ANKRD33B: variants seen among roughly 807,000 people sequenced by gnomAD.
The protein encoded by ANKRD33B is ankyrin repeat domain-containing protein 33B.
ANKRD33B carries 6 observed loss-of-function variants against 21.5 expected under a neutral mutation model. The observed-to-expected ratio is 0.28, with a 90% CI of 0.15 to 0.55. The LOEUF (loss-of-function observed/expected upper bound fraction) is 0.55. Ranked by LOEUF, ANKRD33B falls within the 20% of genes least tolerant of loss-of-function variation. The pLI, the probability that ANKRD33B is intolerant of heterozygous loss-of-function variation, is 0.94. For missense variants in ANKRD33B, 698 were observed against 747.2 expected, an observed-to-expected ratio of 0.93 and a Z score of 0.77; for synonymous variants, 347 against 342.4, an observed-to-expected ratio of 1.01 and a Z score of -0.15.
intron 1 of ANKRD33B, among the ~76,000 whole-genome samples, chr5:10,569,726 G>C (rs937788199): frequency 2.6e-5 from 4 of 152,198 alleles, no homozygotes; most frequent in African/African-American, 4.8e-5. Context: ...CCGGGAGTCC[G>C]AGGGGCTGGA....
Position 10,649,612 on chromosome 5 carries a change from C to T in ANKRD33B, c.984C>T (p.Cys328=), listed in dbSNP as rs1236615669. 5.9e-6 allele frequency: 9 copies of T among 1,530,994 alleles called. No individual in the cohort carries two copies. The highest frequency in any genetic ancestry group is 7.0e-6 in the Non-Finnish European group (8 of 1,144,670). The allele number at this position is 1,530,994 out of a possible 1,614,324, so 94.8% of individuals were successfully genotyped here. A position where few individuals can be genotyped will look rare whatever the true frequency, so the allele number is the denominator to read the frequency against. Residue 328 remains cysteine (C), a synonymous_variant, in exon 4 of 4, where the codon TGC becomes TGT. Coordinates refer to ENST00000296657, the MANE Select transcript of ANKRD33B (RefSeq NM_001164440.2). The part of the protein sequence containing the change: ...PAVAIVCQTV[C]PESPPSVGKR... ...TGGCCATCGTGTGCCAGACCGTGTG[C>T]CCTGAGAGCCCTCCGAGCGTGGGGA...
At chr5:10,610,355 T>C (rs1736142081) in intron 1 of ANKRD33B, among the ~76,000 whole-genome samples, 1 of 152,072 alleles carries the variant, frequency 6.6e-6, no homozygotes, top group Non-Finnish European at 1.5e-5. Context: ...GAGATGCTCC[T>C]GACGTCTAAT....
chr5:10,650,878 C>T lies in ANKRD33B; in HGVS notation c.*765C>T, dbSNP rs1003831206. 6.6e-6 allele frequency: 1 copy of T among 152,210 alleles called. No homozygotes were observed. The highest frequency in any genetic ancestry group is 1.5e-5 in the Non-Finnish European group (1 of 68,010). 9.4% of individuals were successfully genotyped at this position (152,210 alleles called of 1,614,324 possible). On this transcript the variant is annotated 3_prime_UTR_variant, in exon 4 of 4. Transcript: ENST00000296657. Reference sequence around the variant, plus strand: ...TTGCTAGAATTAAACTCATTTTAAGCAAGGGGTTTTAGGTAAACTGGATAC... The same window carrying T: ...TTGCTAGAATTAAACTCATTTTAAGTAAGGGGTTTTAGGTAAACTGGATAC...
rs78931230 is a variant in ANKRD33B at position 10,638,036 on chromosome 5, A to G, written c.505A>G (p.Ile169Val). ...TACACTTCTCTTTACAGGGCACGCT[A>G]TCATCACTAACTACTTGTTGAACTA... ...LITAAQAGHAIITNYLLNYFP... is the reference protein window; with the variant it reads ...LITAAQAGHAVITNYLLNYFP... Residue 169 changes from isoleucine (I) to valine (V), a missense_variant, in exon 3 of 4, where the codon ATC becomes GTC. This residue lies in a region of ANKRD33B where 543 missense variants were observed against 566.5 expected (regional missense o/e 0.96). Coordinates refer to ENST00000296657, the MANE Select transcript of ANKRD33B (RefSeq NM_001164440.2). The G allele has an allele frequency of 2.3e-3, 3,598 of 1,537,620 alleles. 71 individuals carry two copies. The African/African-American group carries it at 0.043, about 18-fold the overall frequency.
chr5:10,649,221 C>A, intron 3 of ANKRD33B, 45 bp from the exon 4 acceptor site: 1 of 1,484,338 alleles, frequency 6.7e-7, no homozygotes, highest in Non-Finnish European at 9.0e-7. Context: ...AGGGAAGAGT[C>A]CTTGTTGCCG....
At chr5:10,632,479 T>A (rs7707533) in intron 2 of ANKRD33B, among the ~76,000 whole-genome samples, 1 of 151,926 alleles carries the variant, frequency 6.6e-6, no homozygotes, top group Non-Finnish European at 1.5e-5. Flanking sequence ...ACCAGGGGTG[T>A]GGCGGGGCCA....
intron 1 of ANKRD33B, among the ~76,000 whole-genome samples, chr5:10,579,585 A>G (rs189934106): frequency 1.6e-4 from 24 of 152,296 alleles, no homozygotes; most frequent in African/African-American, 5.5e-4. Flanking sequence ...AAAATTAATC[A>G]GTGCACATAT....
At chr5:10,638,954 GCGGAGT>G in intron 3 of ANKRD33B, among the ~76,000 whole-genome samples, 3 of 111,164 alleles carry the variant, frequency 2.7e-5, no homozygotes, top group Non-Finnish European at 6.2e-5. Context: ...AGCGGGTGAC[GCGGAGT>G]TGCACGGCGA....
At chr5:10,600,754 T>G (rs1735910720) in intron 1 of ANKRD33B, among the ~76,000 whole-genome samples, 1 of 152,136 alleles carries the variant, frequency 6.6e-6, no homozygotes, top group Non-Finnish European at 1.5e-5. Flanking sequence ...CCAGTGTGGT[T>G]CTTCCATTTT....
At chr5:10,598,506 A>G (rs1723194312) in intron 1 of ANKRD33B, among the ~76,000 whole-genome samples, 1 of 152,212 alleles carries the variant, frequency 6.6e-6, no homozygotes, top group Non-Finnish European at 1.5e-5. Flanking sequence ...ACCTCAGATC[A>G]TCCATCCGCC....
At position 10,613,418 on chromosome 5, in the gene ANKRD33B, A is replaced by G. The variant is rs571488026; in HGVS notation, c.367-4915A>G. 4.6e-5 allele frequency among the ~76,000 whole-genome samples: 7 copies of G among 151,466 alleles called. 1 individual carries two copies. The highest frequency in any genetic ancestry group is 1.2e-4 in the African/African-American group (5 of 41,260). Reference sequence around the variant, plus strand: ...TCCTACCTCAGCCTCCTGAGTAGCTAGGACTACAGGCTCCTGCCACCACGC... The same window carrying G: ...TCCTACCTCAGCCTCCTGAGTAGCTGGGACTACAGGCTCCTGCCACCACGC... On this transcript the variant is annotated intron_variant, in intron 1 of 3. Coordinates refer to ENST00000296657, the MANE Select transcript of ANKRD33B (RefSeq NM_001164440.2).
intron 1 of ANKRD33B, among the ~76,000 whole-genome samples, chr5:10,594,039 G>T (rs1579722604): frequency 6.6e-6 from 1 of 152,066 alleles, no homozygotes; most frequent in Non-Finnish European, 1.5e-5. Flanking sequence ...GGAGCTGTCA[G>T]CTCACGGGGA....
At chr5:10,595,027 G>T (rs1735788751) in intron 1 of ANKRD33B, among the ~76,000 whole-genome samples, 2 of 152,176 alleles carry the variant, frequency 1.3e-5, no homozygotes, top group African/African-American at 4.8e-5. Context: ...TAACTCAAGA[G>T]CTGCAGGAGC....
intron 1 of ANKRD33B, among the ~76,000 whole-genome samples, chr5:10,595,307 A>G (rs1261425403): frequency 6.6e-6 from 1 of 152,110 alleles, no homozygotes. Flanking sequence ...TGGCTTAAAC[A>G]TCAGAAATTG....
rs1296508847 is a variant in ANKRD33B at position 10,576,587 on chromosome 5, C to T, written c.366+11754C>T. Reference sequence around the variant, plus strand: ...GCTTACTATGAAGATAATAACACCTCCTAGAGGTTCTAGGCAGAACTAACG... The same window carrying T: ...GCTTACTATGAAGATAATAACACCTTCTAGAGGTTCTAGGCAGAACTAACG... On this transcript the variant is annotated intron_variant, in intron 1 of 3. Transcript: ENST00000296657. This position sits in a 1 kb window ranked among gnomAD's most constrained non-coding sequence, Gnocchi z 4.1. Among the ~76,000 whole-genome samples, 1 of 152,188 alleles carries T rather than the reference C, an allele frequency of 6.6e-6. No individual in the cohort carries two copies. The highest frequency in any genetic ancestry group is 1.5e-5 in the Non-Finnish European group (1 of 68,038).
Position 10,650,210 on chromosome 5 carries a change from A to T in ANKRD33B, c.*97A>T. 7.7e-7 allele frequency: 1 copy of T among 1,294,450 alleles called. No individual in the cohort carries two copies. The highest frequency in any genetic ancestry group is 1.0e-6 in the Non-Finnish European group (1 of 995,826). The allele number at this position is 1,294,450 out of a possible 1,614,324, so 80.2% of individuals were successfully genotyped here. On this transcript the variant is annotated 3_prime_UTR_variant, in exon 4 of 4. Coordinates refer to ENST00000296657, the MANE Select transcript of ANKRD33B (RefSeq NM_001164440.2). ...AGGCGGCCCCGTTGCGCATCGCACC[A>T]CTTCCGCTCCATGGACCACGGGGCT...
rs1351602960 is a variant in ANKRD33B, at chr5:10,564,951, G to C, written c.366+118G>C. On this transcript the variant is annotated intron_variant, in intron 1 of 3. Transcript: ENST00000296657. The stretch of plus-strand genomic sequence containing the variant: ...GGACCGGTCCCTCGGTCACTCAGCC[G>C]CCGCCCAGAGCGCCTTTTCCCCGCT... 1.1e-5 allele frequency: 15 copies of C among 1,328,990 alleles called. No individual in the cohort carries two copies. In the East Asian group the frequency reaches 3.1e-4, roughly 27 times the overall value. The allele number at this position is 1,328,990 out of a possible 1,614,324, so 82.3% of individuals were successfully genotyped here.
chr5:10,597,363 G>A (rs186699447), intron 1 of ANKRD33B, among the ~76,000 whole-genome samples: 1 of 152,200 alleles, frequency 6.6e-6, no homozygotes, highest in East Asian at 1.9e-4. Flanking sequence ...CAAGCAAGGG[G>A]AAAACAGGAA....
At chr5:10,641,345 C>T (rs2126604623) in intron 3 of ANKRD33B, among the ~76,000 whole-genome samples, 1 of 151,360 alleles carries the variant, frequency 6.6e-6, no homozygotes, top group Admixed American at 6.6e-5. Flanking sequence ...TCTCCTGCCT[C>T]AGCCTCCCGA....
Sources: gnomAD v4.1 joint callset for allele counts (sites outside exome capture counted in the v4.1 genomes callset) on GRCh38, gnomAD v4.1.1 for gene constraint, gnomAD v4.1.1 regional missense constraint, Gnocchi (gnomAD v3.1) non-coding constraint, MANE v1.5 for transcripts, NCBI Gene and HGNC (gene_info 2026-07-23, HGNC 2026-07-21) for gene names.